The following PPFIA2 variants were observed in gnomAD, a reference collection of about 807,000 sequenced individuals.
PPFIA2 encodes liprin-alpha-2.
PPFIA2 carries 46 observed loss-of-function variants against 175.5 expected under a neutral mutation model. The ratio of observed to expected loss-of-function variants is 0.26; its 90% CI spans 0.21 to 0.34. The LOEUF (loss-of-function observed/expected upper bound fraction) is 0.34, where lower values mean the gene tolerates loss of function less well. Ranked by LOEUF, PPFIA2 falls within the 10% of genes least tolerant of loss-of-function variation. PPFIA2 has a pLI of 1.00. For missense variants in PPFIA2, 1,179 were observed against 1,506.1 expected, an observed-to-expected ratio of 0.78 and a Z score of 3.60; for synonymous variants, 568 against 511.4, an observed-to-expected ratio of 1.11 and a Z score of -1.49.
chr12:81,529,127 C>T (rs539202223), intron 4 of PPFIA2, among the ~76,000 whole-genome samples: 1 of 152,096 alleles, frequency 6.6e-6, no homozygotes, highest in East Asian at 1.9e-4. Flanking sequence ...GGCACAGTCT[C>T]TCAGAGTCAA....
intron 4 of PPFIA2, among the ~76,000 whole-genome samples, chr12:81,518,845 G>A (rs1223612644): frequency 6.6e-6 from 1 of 152,094 alleles, no homozygotes; most frequent in East Asian, 1.9e-4. Flanking sequence ...TATTTACTGA[G>A]TAAATTAATG....
At chr12:81,561,638 G>A (rs961956250) in intron 4 of PPFIA2, among the ~76,000 whole-genome samples, 28 of 152,124 alleles carry the variant, frequency 1.8e-4, no homozygotes, top group Non-Finnish European at 3.5e-4. Flanking sequence ...TCTCTGGAGT[G>A]CTGTCTGGGG....
At chr12:81,553,033 C>A (rs1427362039) in intron 4 of PPFIA2, among the ~76,000 whole-genome samples, 1 of 151,740 alleles carries the variant, frequency 6.6e-6, no homozygotes, top group Admixed American at 6.6e-5. Flanking sequence ...TTTTTTTCCC[C>A]CTAATGAAAG....
intron 7 of PPFIA2, among the ~76,000 whole-genome samples, chr12:81,425,482 C>T (rs1566774309): frequency 3.3e-5 from 5 of 152,232 alleles, no homozygotes; most frequent in Admixed American, 2.0e-4. Context: ...GTATCGGGGA[C>T]TACAGGCCTG....
chr12:81,601,275 AT>A (rs756109957), intron 4 of PPFIA2, among the ~76,000 whole-genome samples: 1 of 151,938 alleles, frequency 6.6e-6, no homozygotes, highest in Non-Finnish European at 1.5e-5. Context: ...TCCTATGATT[AT>A]TTTGATAATA....
chr12:81,373,505 T>C (rs2035671358), intron 11 of PPFIA2, among the ~76,000 whole-genome samples: 1 of 152,024 alleles, frequency 6.6e-6, no homozygotes, highest in South Asian at 2.1e-4. Context: ...TGGCATGGTT[T>C]GTGACTACAG....
intron 3 of PPFIA2, among the ~76,000 whole-genome samples, chr12:81,741,111 T>C (rs986259362): frequency 2.0e-5 from 3 of 152,202 alleles, no homozygotes; most frequent in African/African-American, 7.2e-5. Context: ...AAAAATTCCT[T>C]CAAAGCAAAT....
At chr12:81,667,419 C>T (rs112832326) in intron 4 of PPFIA2, among the ~76,000 whole-genome samples, 3 of 152,104 alleles carry the variant, frequency 2.0e-5, no homozygotes, top group African/African-American at 7.2e-5. Context: ...TTAGAATTTC[C>T]AACCCATTAC....
intron 4 of PPFIA2, among the ~76,000 whole-genome samples, chr12:81,648,580 T>C (rs1211503149): frequency 6.6e-6 from 1 of 152,070 alleles, no homozygotes; most frequent in African/African-American, 2.4e-5. Context: ...AATTGATTTA[T>C]ATATCCTATG....
chr12:81,403,772 G>A (rs1050839912), intron 8 of PPFIA2, among the ~76,000 whole-genome samples: 4 of 152,032 alleles, frequency 2.6e-5, no homozygotes, highest in South Asian at 2.1e-4. Context: ...CTGTGCATGC[G>A]GCCCCTCCCA....
intron 27 of PPFIA2, 25 bp from the exon 28 acceptor site, chr12:81,277,439 A>C (rs981552863): frequency 2.7e-6 from 4 of 1,489,370 alleles, no homozygotes; most frequent in Admixed American, 2.6e-5. Context: ...AAAAAAAAAA[A>C]AACACAGTGA....
chr12:81,342,335 G>A (rs943281564), intron 19 of PPFIA2, among the ~76,000 whole-genome samples: 1 of 152,070 alleles, frequency 6.6e-6, no homozygotes, highest in Admixed American at 6.6e-5. Flanking sequence ...AAGACTTATG[G>A]CTTTAGAGTT....
chr12:81,557,604 T>G (rs1284013939), intron 4 of PPFIA2, among the ~76,000 whole-genome samples: 1 of 152,032 alleles, frequency 6.6e-6, no homozygotes, highest in Non-Finnish European at 1.5e-5. Context: ...TATCAATTGT[T>G]CCAGGAATCA....
chr12:81,725,366 A>G (rs2079926063), intron 3 of PPFIA2, among the ~76,000 whole-genome samples: 2 of 150,988 alleles, frequency 1.3e-5, no homozygotes, highest in African/African-American at 4.8e-5. Context: ...ATCACAGTGC[A>G]TTAAAGATAA....
intron 17 of PPFIA2, among the ~76,000 whole-genome samples, chr12:81,349,572 A>G (rs896346160): frequency 6.6e-6 from 1 of 152,170 alleles, no homozygotes; most frequent in Non-Finnish European, 1.5e-5. Flanking sequence ...CAAAAAATAA[A>G]AATGTAAAAA....
intron 3 of PPFIA2, among the ~76,000 whole-genome samples, chr12:81,696,713 G>A (rs1212455843): frequency 3.3e-5 from 5 of 151,828 alleles, no homozygotes; most frequent in African/African-American, 1.2e-4. Flanking sequence ...CTTTGCTTTT[G>A]ATTGAGCAGT....
chr12:81,346,824 T>C (rs984132270), intron 18 of PPFIA2, among the ~76,000 whole-genome samples: 17 of 152,044 alleles, frequency 1.1e-4, no homozygotes, highest in African/African-American at 3.6e-4. Context: ...TTGTTACTTA[T>C]TATGTTAAAA....
chr12:81,580,955 G>T (rs2074312114), intron 4 of PPFIA2, among the ~76,000 whole-genome samples: 1 of 151,748 alleles, frequency 6.6e-6, no homozygotes. Flanking sequence ...TATAATTGAG[G>T]TAAGCGCAAC....
At chr12:81,377,325 C>G (rs1251306991) in intron 9 of PPFIA2, among the ~76,000 whole-genome samples, 1 of 152,114 alleles carries the variant, frequency 6.6e-6, no homozygotes, top group Admixed American at 6.6e-5. Flanking sequence ...GTGGGCAGAT[C>G]TCTTGAGGTC....
Sources: gnomAD v4.1 joint callset for allele counts (sites outside exome capture counted in the v4.1 genomes callset) on GRCh38, gnomAD v4.1.1 for gene constraint, MANE v1.5 for transcripts, NCBI Gene and HGNC (gene_info 2026-07-23, HGNC 2026-07-21) for gene names.